CDK14: variants seen among roughly 807,000 people sequenced by gnomAD.
CDK14 encodes cyclin-dependent kinase 14.
CDK14 carries 34 observed loss-of-function variants against 60.7 expected under a neutral mutation model. The observed-to-expected ratio is 0.56, with a 90% CI of 0.43 to 0.75. The LOEUF (loss-of-function observed/expected upper bound fraction) is 0.75. CDK14 is among the 30% of genes least tolerant of loss of function. CDK14 has a pLI of 0.00. For missense variants in CDK14, 482 were observed against 564.1 expected, an observed-to-expected ratio of 0.85 and a Z score of 1.47; for synonymous variants, 197 against 203.7, an observed-to-expected ratio of 0.97 and a Z score of 0.28.
intron 14 of CDK14, among the ~76,000 whole-genome samples, chr7:91,164,891 C>A (rs1801299097): frequency 6.6e-6 from 1 of 152,048 alleles, no homozygotes; most frequent in Admixed American, 6.6e-5. Flanking sequence ...CCCTGGTGAT[C>A]CAAGGTTGGG....
chr7:91,068,981 GC>G (rs1798058816), intron 11 of CDK14, among the ~76,000 whole-genome samples: 1 of 152,020 alleles, frequency 6.6e-6, no homozygotes, highest in Admixed American at 6.6e-5. Context: ...GGGAATGCAA[GC>G]CCCCTGCAAA....
chr7:90,883,388 A>C (rs2117292297), intron 6 of CDK14, among the ~76,000 whole-genome samples: 1 of 152,336 alleles, frequency 6.6e-6, no homozygotes, highest in South Asian at 2.1e-4. Context: ...CCCTACTAAG[A>C]CTAAACCAGG....
intron 5 of CDK14, among the ~76,000 whole-genome samples, chr7:90,807,836 A>G (rs996154316): frequency 6.6e-6 from 1 of 152,218 alleles, no homozygotes; most frequent in African/African-American, 2.4e-5. Flanking sequence ...CTCAGTAGCC[A>G]ATTCGATCAA....
chr7:91,050,331 A>G (rs1343505518), intron 11 of CDK14, among the ~76,000 whole-genome samples: 1 of 152,202 alleles, frequency 6.6e-6, no homozygotes, highest in Non-Finnish European at 1.5e-5. Flanking sequence ...GGGAGAGGCG[A>G]TGAAATGTAC....
intron 14 of CDK14, among the ~76,000 whole-genome samples, chr7:91,154,582 T>C (rs1800926725): frequency 6.6e-6 from 1 of 152,178 alleles, no homozygotes; most frequent in Admixed American, 6.6e-5. Context: ...AGAAATTCTG[T>C]GAGAAGCAAT....
intron 3 of CDK14, among the ~76,000 whole-genome samples, chr7:90,736,839 A>T (rs774739429): frequency 1.4e-4 from 21 of 152,166 alleles, no homozygotes; most frequent in Non-Finnish European, 1.9e-4. Flanking sequence ...TGCTCTTCAC[A>T]TACAGGCCAT....
intron 3 of CDK14, among the ~76,000 whole-genome samples, chr7:90,732,043 G>A (rs1220777423): frequency 6.6e-6 from 1 of 152,090 alleles, no homozygotes; most frequent in Non-Finnish European, 1.5e-5. Flanking sequence ...AGAGTTTTTA[G>A]CATGAGGGGC....
At chr7:90,638,447 T>C (rs1475598313) in intron 2 of CDK14, among the ~76,000 whole-genome samples, 1 of 152,260 alleles carries the variant, frequency 6.6e-6, no homozygotes, top group Non-Finnish European at 1.5e-5. Context: ...TTAAGAATGT[T>C]GAATATTGGC....
At chr7:90,642,079 A>C (rs576133010) in intron 2 of CDK14, among the ~76,000 whole-genome samples, 1 of 152,344 alleles carries the variant, frequency 6.6e-6, no homozygotes, top group Non-Finnish European at 1.5e-5. Flanking sequence ...GAATTATGGG[A>C]GCTACAAGAT....
At chr7:90,971,686 G>C (rs1356442044) in intron 9 of CDK14, among the ~76,000 whole-genome samples, 1 of 146,964 alleles carries the variant, frequency 6.8e-6, no homozygotes, top group African/African-American at 2.5e-5. Context: ...AAAGATTTCA[G>C]ATGATTCCTG....
chr7:90,618,781 T>G (rs973209264), intron 2 of CDK14, among the ~76,000 whole-genome samples: 1 of 152,234 alleles, frequency 6.6e-6, no homozygotes, highest in African/African-American at 2.4e-5. Flanking sequence ...ATGTACTTTA[T>G]CTTTCCTTTT....
chr7:90,955,207 A>T (rs958345490), intron 8 of CDK14, among the ~76,000 whole-genome samples: 1 of 152,178 alleles, frequency 6.6e-6, no homozygotes, highest in African/African-American at 2.4e-5. Context: ...AACCACAAGA[A>T]ATTTTAGGAC....
chr7:91,179,608 C>A (rs376648630), intron 14 of CDK14, among the ~76,000 whole-genome samples: 2 of 151,978 alleles, frequency 1.3e-5, no homozygotes, highest in Non-Finnish European at 2.9e-5. Flanking sequence ...GGAGAACATC[C>A]TGGCTAACAC....
chr7:90,816,740 G>T (rs1217350041), intron 5 of CDK14, among the ~76,000 whole-genome samples: 1 of 152,216 alleles, frequency 6.6e-6, no homozygotes, highest in Non-Finnish European at 1.5e-5. Flanking sequence ...CGTGGCAACA[G>T]TTTTAGGGCC....
At chr7:91,118,332 A>G in intron 14 of CDK14, 124 bp downstream of exon 14, 1 of 547,898 alleles carries the variant, frequency 1.8e-6, no homozygotes, top group Non-Finnish European at 3.3e-6. Flanking sequence ...GCATTATGGC[A>G]TTCATCAGAC....
intron 6 of CDK14, among the ~76,000 whole-genome samples, chr7:90,882,262 C>CAAAAAAAAAA (rs142619671): frequency 8.6e-6 from 1 of 116,638 alleles, no homozygotes; most frequent in African/African-American, 3.3e-5. Flanking sequence ...AAATGGAAAG[C>CAAAAAAAAAA]AAAAAAAAAA....
rs869197484 is a variant in CDK14 at position 90,649,366 on chromosome 7, TTTCCTTCC to T, written c.123+45141_123+45148del. 5.0e-4 allele frequency among the ~76,000 whole-genome samples: 11 copies of T among 22,170 alleles called. 2 individuals carry two copies. Among genetic ancestry groups the T allele is most frequent in the Non-Finnish European group, 7.1e-4 (10 of 14,138 alleles). The allele number at this position is 22,170 out of a possible 152,430, so 14.5% of individuals were successfully genotyped here. On this transcript the variant is annotated intron_variant, in intron 2 of 14. Coordinates refer to ENST00000380050, the MANE Select transcript of CDK14 (RefSeq NM_001287135.2). ...CTTCCTTCCTTCCTTCCTTCCTTCC[TTTCCTTCC>T]TTCCTTCCTTCCTTCCTTCCTTCTT...
chr7:91,028,823 T>C (rs1796677678), intron 10 of CDK14, among the ~76,000 whole-genome samples: 1 of 152,192 alleles, frequency 6.6e-6, no homozygotes, highest in Admixed American at 6.5e-5. Context: ...TTGTTGGAGT[T>C]TCTTACAGAT....
chr7:90,945,508 G>A (rs538060314), intron 8 of CDK14, among the ~76,000 whole-genome samples: 1 of 152,192 alleles, frequency 6.6e-6, no homozygotes, highest in African/African-American at 2.4e-5. Flanking sequence ...AGAGAAATTG[G>A]TTCTGGAACT....
Sources: gnomAD v4.1 joint callset for allele counts (sites outside exome capture counted in the v4.1 genomes callset) on GRCh38, gnomAD v4.1.1 for gene constraint, MANE v1.5 for transcripts, NCBI Gene and HGNC (gene_info 2026-07-23, HGNC 2026-07-21) for gene names.